EIF4G3: variants seen among roughly 807,000 people sequenced by gnomAD.
EIF4G3 encodes the protein eukaryotic translation initiation factor 4 gamma 3.
A neutral mutation model predicts 186.4 loss-of-function variants in EIF4G3; 34 were observed. The observed-to-expected ratio is 0.18, with a 90% CI of 0.14 to 0.24. The LOEUF (loss-of-function observed/expected upper bound fraction) is 0.24, where lower values mean the gene tolerates loss of function less well. EIF4G3 is among the 10% of genes least tolerant of loss of function. The pLI, the probability that EIF4G3 is intolerant of heterozygous loss-of-function variation, is 1.00. For synonymous variants in EIF4G3, 673 were observed against 679.5 expected (o/e 0.99, Z 0.15); for missense variants, 1,536 against 1,948.5 (o/e 0.79, Z 3.99).
At chr1:21,097,885 T>C (rs1309716069) in intron 2 of EIF4G3, among the ~76,000 whole-genome samples, 1 of 152,132 alleles carries the variant, frequency 6.6e-6, no homozygotes, top group Non-Finnish European at 1.5e-5. Flanking sequence ...GAAACAACTG[T>C]TATCTTGGAT....
intron 12 of EIF4G3, among the ~76,000 whole-genome samples, chr1:20,961,160 G>A (rs972934742): frequency 2.0e-5 from 3 of 152,062 alleles, no homozygotes; most frequent in Admixed American, 2.0e-4. Context: ...CGAGGTGGGC[G>A]GATCATGAGG....
intron 2 of EIF4G3, among the ~76,000 whole-genome samples, chr1:21,159,581 A>G (rs923065166): frequency 3.3e-5 from 5 of 151,978 alleles, no homozygotes; most frequent in Non-Finnish European, 7.4e-5. Flanking sequence ...TACTAAAAAT[A>G]CAAAAAAAAT....
rs577506687 is a variant in EIF4G3, at chr1:20,980,317, T to C, written c.493+17A>G. Reference sequence around the variant, plus strand: ...ACACAAAAAACTAGCAGAAATGTCTTGACTTTTCCTACTTACCATAAGCAT... The same window carrying C: ...ACACAAAAAACTAGCAGAAATGTCTCGACTTTTCCTACTTACCATAAGCAT... On this transcript the variant is annotated intron_variant, in intron 10 of 36. Transcript: ENST00000602326. The C allele has an allele frequency of 1.3e-6, 2 of 1,512,064 alleles. No homozygotes were observed. The highest frequency in any genetic ancestry group is 2.6e-5 in the South Asian group (2 of 76,702). The allele number at this position is 1,512,064 out of a possible 1,614,324, so 93.7% of individuals were successfully genotyped here.
At chr1:20,957,159 C>T (rs2096451695) in intron 12 of EIF4G3, among the ~76,000 whole-genome samples, 2 of 151,668 alleles carry the variant, frequency 1.3e-5, no homozygotes, top group African/African-American at 2.4e-5. Context: ...AGAGGAAACC[C>T]GGACACTCAA....
At chr1:20,816,217 G>A in intron 34 of EIF4G3, among the ~76,000 whole-genome samples, 1 of 83,650 alleles carries the variant, frequency 1.2e-5, no homozygotes, top group Non-Finnish European at 2.5e-5. Context: ...CCCCGTCCGG[G>A]AGGGAGGTGG....
intron 25 of EIF4G3, 78 bp from the exon 26 acceptor site, chr1:20,855,149 A>G (rs2074506972): frequency 1.7e-6 from 2 of 1,175,200 alleles, no homozygotes; most frequent in Non-Finnish European, 2.4e-6. Context: ...TTTCTTCTTC[A>G]GTGAAGTAGA....
chr1:21,060,775 C>A (rs1253982917), intron 3 of EIF4G3, among the ~76,000 whole-genome samples: 5 of 102,444 alleles, frequency 4.9e-5, no homozygotes, highest in African/African-American at 1.5e-4. Context: ...AAGATCCTGT[C>A]TCTTAAGAAA....
intron 2 of EIF4G3, among the ~76,000 whole-genome samples, chr1:21,152,067 G>A (rs2097560034): frequency 6.6e-6 from 1 of 152,164 alleles, no homozygotes; most frequent in South Asian, 2.1e-4. Flanking sequence ...AGAATGGAGG[G>A]ATTAAAAGGC....
intron 2 of EIF4G3, among the ~76,000 whole-genome samples, chr1:21,171,008 G>A (rs554014294): frequency 8.6e-5 from 13 of 151,148 alleles, no homozygotes; most frequent in East Asian, 1.9e-4. Context: ...AAAAAAAGTC[G>A]TAAAAACCAA....
At chr1:20,923,498 A>G (rs2094631583) in intron 14 of EIF4G3, among the ~76,000 whole-genome samples, 1 of 152,202 alleles carries the variant, frequency 6.6e-6, no homozygotes, top group Non-Finnish European at 1.5e-5. Context: ...GTACAGATGC[A>G]AAAAAGTCAA....
Position 21,148,073 on chromosome 1 carries a change from TTTTTC to T in EIF4G3, c.-272+28097_-272+28101del, listed in dbSNP as rs576560004. Among the ~76,000 whole-genome samples the T allele has an allele frequency of 1.3e-4, 20 of 152,302 alleles. No homozygotes were observed. The East Asian group carries it at 3.9e-3, about 29-fold the overall frequency. On this transcript the variant is annotated intron_variant, in intron 2 of 36. Coordinates refer to ENST00000602326, the MANE Select transcript of EIF4G3 (RefSeq NM_001391906.1). ...ACAAAGATGGTTTCCAGCATGGCTT[TTTTTC>T]TTTTCAAGAGAAGAGTCTTGCTCTG...
chr1:20,819,053 C>G (rs968486145), intron 33 of EIF4G3, among the ~76,000 whole-genome samples: 4 of 152,114 alleles, frequency 2.6e-5, no homozygotes, highest in African/African-American at 9.7e-5. Flanking sequence ...CAGTGTGCAC[C>G]ACTGCACCCA....
chr1:21,146,048 T>C (rs936811488), intron 2 of EIF4G3, among the ~76,000 whole-genome samples: 3 of 151,946 alleles, frequency 2.0e-5, no homozygotes, highest in South Asian at 4.2e-4. Context: ...TGAGCCAAGA[T>C]TGTGCCACTA....
At chr1:20,823,675 T>G (rs1003278547) in intron 33 of EIF4G3, among the ~76,000 whole-genome samples, 10 of 151,740 alleles carry the variant, frequency 6.6e-5, no homozygotes, top group African/African-American at 2.4e-4. Flanking sequence ...GCACCCAACC[T>G]TTTCTTTTCT....
intron 3 of EIF4G3, among the ~76,000 whole-genome samples, chr1:21,069,338 C>T (rs1226130370): frequency 6.6e-6 from 1 of 152,248 alleles, no homozygotes; most frequent in Non-Finnish European, 1.5e-5. Context: ...TACTTATTTA[C>T]ATATTTTTGT....
intron 4 of EIF4G3, among the ~76,000 whole-genome samples, chr1:21,023,281 C>T (rs2091254267): frequency 7.4e-6 from 1 of 134,482 alleles, no homozygotes; most frequent in African/African-American, 2.7e-5. Flanking sequence ...CCTCTCCCCA[C>T]GGTCTCCCTC....
chr1:21,053,679 A>C (rs1165576116), intron 3 of EIF4G3, among the ~76,000 whole-genome samples: 1 of 134,796 alleles, frequency 7.4e-6, no homozygotes, highest in Non-Finnish European at 1.6e-5. Context: ...GGAAGTGAGG[A>C]GCCCCTCTGC....
At chr1:21,011,593 C>G (rs961305595) in intron 4 of EIF4G3, among the ~76,000 whole-genome samples, 2 of 152,162 alleles carry the variant, frequency 1.3e-5, no homozygotes, top group Non-Finnish European at 2.9e-5. Context: ...ACCACCATTA[C>G]AGTCAAAATA....
At chr1:21,016,812 T>G (rs749138561) in intron 4 of EIF4G3, among the ~76,000 whole-genome samples, 1 of 151,738 alleles carries the variant, frequency 6.6e-6, no homozygotes, top group Non-Finnish European at 1.5e-5. Flanking sequence ...TACTAAAAAA[T>G]ATAAAAATTA....
Sources: allele counts gnomAD v4.1 joint callset (sites outside exome capture counted in the v4.1 genomes callset), GRCh38; gene constraint gnomAD v4.1.1; transcripts MANE v1.5; gene names NCBI Gene and HGNC (gene_info 2026-07-23, HGNC 2026-07-21).